Variants in MTHFD1L observed in about 807,000 individuals in gnomAD.
The protein encoded by MTHFD1L is monofunctional C1-tetrahydrofolate synthase, mitochondrial.
Under a neutral mutation model 119.5 loss-of-function variants are expected in MTHFD1L, and 81 were observed. The ratio of observed to expected loss-of-function variants is 0.68; its 90% CI spans 0.57 to 0.82. The LOEUF is 0.82. Ranked by LOEUF, MTHFD1L falls within the 40% of genes least tolerant of loss-of-function variation. MTHFD1L has a pLI of 0.00. For missense variants in MTHFD1L, 1,125 were observed against 1,253.4 expected, an observed-to-expected ratio of 0.90 and a Z score of 1.55; for synonymous variants, 430 against 475.2, an observed-to-expected ratio of 0.90 and a Z score of 1.24.
intron 20 of MTHFD1L, among the ~76,000 whole-genome samples, chr6:150,974,362 G>A (rs118070001): frequency 0.033 from 5,091 of 152,222 alleles, 93 homozygotes; most frequent in South Asian, 0.062. Flanking sequence ...ACTGATGAAG[G>A]TTACATTTTC....
At chr6:150,922,121 C>A in intron 9 of MTHFD1L, 84 bp from the exon 10 acceptor site, 2 of 982,982 alleles carry the variant, frequency 2.0e-6, no homozygotes, top group South Asian at 3.0e-5. Context: ...TTGTAACATC[C>A]ACAAACAATA....
intron 7 of MTHFD1L, among the ~76,000 whole-genome samples, chr6:150,890,369 C>G (rs1783044597): frequency 6.6e-6 from 1 of 152,008 alleles, no homozygotes; most frequent in Non-Finnish European, 1.5e-5. Flanking sequence ...TGAGTTGGCT[C>G]CATGAGTTGG....
At chr6:151,074,233 C>T (rs1459158534) in intron 26 of MTHFD1L, among the ~76,000 whole-genome samples, 1 of 152,086 alleles carries the variant, frequency 6.6e-6, no homozygotes, top group Non-Finnish European at 1.5e-5. Flanking sequence ...AAAAGTGTTA[C>T]AGAAATTCCT....
At chr6:151,080,388 C>A (rs899079725) in intron 26 of MTHFD1L, among the ~76,000 whole-genome samples, 4 of 152,114 alleles carry the variant, frequency 2.6e-5, no homozygotes, top group Non-Finnish European at 5.9e-5. Flanking sequence ...GGTATCAGGG[C>A]AGCCAGTGAG....
chr6:151,057,161 T>A (rs62441040), intron 26 of MTHFD1L: 15 of 983,958 alleles, frequency 1.5e-5, no homozygotes, highest in Non-Finnish European at 1.8e-5. Context: ...GCCTTCTAAC[T>A]GAATCTTGAC....
chr6:151,029,274 A>G (rs1785006844), intron 24 of MTHFD1L, among the ~76,000 whole-genome samples: 1 of 150,738 alleles, frequency 6.6e-6, no homozygotes, highest in African/African-American at 2.4e-5. Flanking sequence ...TACAAAAATT[A>G]GCCAGGCGTG....
At chr6:150,979,619 G>A (rs144516676) in intron 20 of MTHFD1L, among the ~76,000 whole-genome samples, 4,188 of 152,166 alleles carry the variant, frequency 0.028, 203 homozygotes, top group Admixed American at 0.14. Flanking sequence ...TACTGCCTTA[G>A]CCTCCCAAGT....
At position 150,972,045 on chromosome 6, in the gene MTHFD1L, A is replaced by T; in HGVS notation, c.2112A>T (p.Glu704Asp). Residue 704 changes from glutamate (E) to aspartate (D), a missense_variant, in exon 20 of 28, where the codon GAA (glutamate) becomes GAT (aspartate). Coordinates refer to ENST00000367321, the MANE Select transcript of MTHFD1L (RefSeq NM_015440.5). ...ADKIALKLVG[E>D]EGFVVTEAGF... is the part of the protein sequence containing the mutation. ...AAATTGCCCTGAAACTGGTTGGTGA[A>T]GAAGGATTTGTAGGTAAGTTATTTC... 1 of 1,613,948 alleles carries T rather than the reference A, an allele frequency of 6.2e-7. No individual in the cohort carries two copies. The highest frequency in any genetic ancestry group is 8.5e-7 in the Non-Finnish European group (1 of 1,179,826).
At position 150,905,698 on chromosome 6, in the gene MTHFD1L, A is replaced by T. The variant is rs746353168; in HGVS notation, c.829A>T (p.Ile277Phe). Residue 277 changes from isoleucine to phenylalanine, a missense_variant, in exon 8 of 28, where the codon ATT (isoleucine) becomes TTT (phenylalanine). Physicochemically the swap from Ile to Phe is conservative, Grantham distance 21 (BLOSUM62 0). Transcript: ENST00000367321. ...CCTAGGCTCACCTAAGCCAGAAGAGATTCCCCTTACTTGGATACAACCAGG... is the reference window on the plus strand; with the variant it reads ...CCTAGGCTCACCTAAGCCAGAAGAGTTTCCCCTTACTTGGATACAACCAGG... ...VVLGSPKPEE[I>F]PLTWIQPGTT... The T allele has an allele frequency of 6.2e-7, 1 of 1,614,140 alleles. No individual in the cohort carries two copies. Among genetic ancestry groups the T allele is most frequent in the Non-Finnish European group, 8.5e-7 (1 of 1,180,018 alleles).
intron 20 of MTHFD1L, among the ~76,000 whole-genome samples, chr6:150,985,706 C>T (rs919436941): frequency 1.3e-5 from 2 of 151,306 alleles, no homozygotes; most frequent in Non-Finnish European, 2.9e-5. Context: ...GAAAACTCTC[C>T]TTTGAATTAA....
chr6:150,882,679 T>A, intron 4 of MTHFD1L, 83 bp from the exon 5 acceptor site: 2 of 1,029,458 alleles, frequency 1.9e-6, no homozygotes, highest in Non-Finnish European at 2.7e-6. Flanking sequence ...TTTTCATGAA[T>A]CCACTTTTTA....
chr6:150,872,332 A>G (rs1209325485), intron 1 of MTHFD1L, among the ~76,000 whole-genome samples: 1 of 152,144 alleles, frequency 6.6e-6, no homozygotes, highest in Admixed American at 6.5e-5. Context: ...CTCCTCACTA[A>G]GTTTAATTAT....
intron 26 of MTHFD1L, among the ~76,000 whole-genome samples, chr6:151,060,213 G>A (rs1790458271): frequency 6.6e-6 from 1 of 152,200 alleles, no homozygotes; most frequent in Non-Finnish European, 1.5e-5. Context: ...AGGTGCTAGA[G>A]TTCTCTCCTT....
At chr6:150,922,177 C>T (rs368982080) in intron 9 of MTHFD1L, 28 bp from the exon 10 acceptor site, 29 of 1,553,770 alleles carry the variant, frequency 1.9e-5, no homozygotes, top group Non-Finnish European at 2.5e-5. Flanking sequence ...ACCATTCTAA[C>T]ATGTTTTCCC....
chr6:150,933,060 C>T (rs942617583), intron 11 of MTHFD1L, among the ~76,000 whole-genome samples: 6 of 152,058 alleles, frequency 3.9e-5, no homozygotes, highest in Non-Finnish European at 7.4e-5. Context: ...TTGTAGCTCT[C>T]CTTTTATTGC....
chr6:150,906,815 G>A (rs764151303), intron 8 of MTHFD1L, among the ~76,000 whole-genome samples: 6 of 152,134 alleles, frequency 3.9e-5, no homozygotes, highest in Non-Finnish European at 8.8e-5. Flanking sequence ...TCCTCTCTAG[G>A]AAATGTAGCT....
intron 25 of MTHFD1L, among the ~76,000 whole-genome samples, chr6:151,035,472 A>G (rs1786028329): frequency 6.6e-6 from 1 of 152,146 alleles, no homozygotes; most frequent in African/African-American, 2.4e-5. Flanking sequence ...CAGCCAGGGT[A>G]TTTGTTCTCC....
chr6:151,034,458 C>T (rs761465507), intron 24 of MTHFD1L, 35 bp from the exon 25 acceptor site: 12 of 1,398,460 alleles, frequency 8.6e-6, no homozygotes. Flanking sequence ...CCAGATTAAA[C>T]TTATACAATT....
intron 26 of MTHFD1L, among the ~76,000 whole-genome samples, chr6:151,065,679 T>C (rs1196082306): frequency 2.0e-5 from 3 of 152,228 alleles, no homozygotes; most frequent in Admixed American, 6.5e-5. Context: ...TATTCAGGAA[T>C]CCCCTGCCAG....
Sources: gnomAD v4.1 joint callset for allele counts (sites outside exome capture counted in the v4.1 genomes callset) on GRCh38, gnomAD v4.1.1 for gene constraint, MANE v1.5 for transcripts, NCBI Gene and HGNC (gene_info 2026-07-23, HGNC 2026-07-21) for gene names.